ANAPC7: variants seen among roughly 807,000 people sequenced by gnomAD.
ANAPC7 encodes anaphase promoting complex subunit 7.
ANAPC7 carries 25 observed loss-of-function variants against 63.3 expected under a neutral mutation model. The observed-to-expected ratio is 0.39, with a 90% CI of 0.29 to 0.55. ANAPC7 has a LOEUF of 0.55. ANAPC7 is among the 20% of genes least tolerant of loss of function. The probability of loss-of-function intolerance (pLI) is 0.57; values close to 1 mark genes in which losing one functional copy is unlikely to be tolerated. For synonymous variants in ANAPC7, 241 were observed against 251.7 expected (o/e 0.96, Z 0.40); for missense variants, 516 against 691.7 (o/e 0.75, Z 2.85).
At chr12:110,376,625 C>A (rs1592891979) in intron 9 of ANAPC7, among the ~76,000 whole-genome samples, 1 of 138,950 alleles carries the variant, frequency 7.2e-6, no homozygotes, top group Middle Eastern at 3.9e-3. Flanking sequence ...TAAATGGGCT[C>A]TTAACTTTAA....
At chr12:110,391,620 T>A (rs112318897) in intron 3 of ANAPC7, among the ~76,000 whole-genome samples, 10 of 152,264 alleles carry the variant, frequency 6.6e-5, no homozygotes, top group African/African-American at 2.4e-4. Flanking sequence ...AAATGCAGAC[T>A]CATACAGGTG....
At chr12:110,401,041 C>T (rs1464860727) in intron 1 of ANAPC7, among the ~76,000 whole-genome samples, 1 of 152,146 alleles carries the variant, frequency 6.6e-6, no homozygotes, top group Non-Finnish European at 1.5e-5. Context: ...CAAAGCAAGA[C>T]TCCGTCTGAA....
At chr12:110,398,251 A>C (rs1449865300) in intron 1 of ANAPC7, among the ~76,000 whole-genome samples, 1 of 152,088 alleles carries the variant, frequency 6.6e-6, no homozygotes, top group African/African-American at 2.4e-5. Flanking sequence ...TCTCAAAAAA[A>C]AAGAAAACAC....
chr12:110,387,505 C>T (rs1430492955), intron 5 of ANAPC7: 6 of 293,420 alleles, frequency 2.0e-5, no homozygotes. Flanking sequence ...AGGGTTACTA[C>T]CTGTGCAGGC....
rs145953141 is a variant in ANAPC7, at chr12:110,390,581, T to C, written c.409-1958A>G. On this transcript the variant is annotated intron_variant, in intron 3 of 10. Coordinates refer to ENST00000455511, the MANE Select transcript of ANAPC7 (RefSeq NM_016238.3). ...ACCTACATTATATAAAACAATCTAA[T>C]ATAGCATTGATTCACACTAATTCAA... is the stretch of plus-strand genomic sequence containing the variant. 6.9e-3 allele frequency among the ~76,000 whole-genome samples: 1,046 copies of C among 152,264 alleles called. 1 individual carries two copies. Among genetic ancestry groups the C allele is most frequent in the Non-Finnish European group, 9.4e-3 (638 of 68,022 alleles).
chr12:110,375,967 G>A, intron 10 of ANAPC7, 99 bp downstream of exon 10: 2 of 1,413,478 alleles, frequency 1.4e-6, no homozygotes, highest in Non-Finnish European at 1.9e-6. Context: ...TTCAACCATG[G>A]ACACAAAGTG....
chr12:110,381,616 T>G, intron 8 of ANAPC7, 136 bp downstream of exon 8: 41 of 840,690 alleles, frequency 4.9e-5, no homozygotes, highest in Non-Finnish European at 6.9e-5. Flanking sequence ...ATTACAGGTG[T>G]GAGCCACCAC....
intron 1 of ANAPC7, among the ~76,000 whole-genome samples, chr12:110,398,163 T>C (rs888794610): frequency 1.3e-5 from 2 of 151,790 alleles, no homozygotes; most frequent in East Asian, 1.9e-4. Flanking sequence ...GGAGAATGAC[T>C]TGAACCCAGG....
intron 9 of ANAPC7, 151 bp downstream of exon 9, chr12:110,377,242 T>C: frequency 1.5e-6 from 1 of 671,944 alleles, no homozygotes; most frequent in Non-Finnish European, 2.5e-6. Flanking sequence ...TTGGTTGGGC[T>C]AAATATAAAC....
At chr12:110,403,162 G>C (rs1228589560) in intron 1 of ANAPC7, among the ~76,000 whole-genome samples, 1 of 152,174 alleles carries the variant, frequency 6.6e-6, no homozygotes, top group African/African-American at 2.4e-5. Flanking sequence ...CTGAGCTGCA[G>C]CGAGAGAAAA....
intron 10 of ANAPC7, among the ~76,000 whole-genome samples, chr12:110,374,934 T>C (rs1881125071): frequency 6.6e-6 from 1 of 151,988 alleles, no homozygotes; most frequent in South Asian, 2.1e-4. Flanking sequence ...CCCCCAAAGT[T>C]CAGAGCCTCT....
chr12:110,395,308 C>T lies in ANAPC7; in HGVS notation c.289-88G>A, dbSNP rs1223948041. 1.2e-5 allele frequency: 16 copies of T among 1,333,858 alleles called. No homozygotes were observed. In the Admixed American group the frequency reaches 2.2e-4, roughly 19 times the overall value. The allele number at this position is 1,333,858 out of a possible 1,614,324, so 82.6% of individuals were successfully genotyped here. A position where few individuals can be genotyped will look rare whatever the true frequency, so the allele number is the denominator to read the frequency against. ...CGTTAAACATAGAGTTATCATATGA[C>T]CCAGCAATTCTTTTTTTTTTTTTTG... is the stretch of plus-strand genomic sequence containing the variant. On this transcript the variant is annotated intron_variant, in intron 2 of 10. Transcript: ENST00000455511.
At chr12:110,389,217 T>C (rs1882890722) in intron 3 of ANAPC7, among the ~76,000 whole-genome samples, 1 of 152,148 alleles carries the variant, frequency 6.6e-6, no homozygotes, top group Non-Finnish European at 1.5e-5. Flanking sequence ...CGCTGCCCTC[T>C]GGAAACTGGA....
chr12:110,379,220 T>G (rs1250003471), intron 8 of ANAPC7: 4 of 152,214 alleles, frequency 2.6e-5, no homozygotes, highest in Non-Finnish European at 4.4e-5. Context: ...TTGCAATTAC[T>G]TACTGAATAG....
In ANAPC7 at chr12:110,374,081, C is replaced by T; in HGVS notation, c.*63G>A. 2 of 1,490,084 alleles carry T rather than the reference C, an allele frequency of 1.3e-6. No homozygotes were observed. Among genetic ancestry groups the T allele is most frequent in the Non-Finnish European group, 1.8e-6 (2 of 1,118,778 alleles). The allele number at this position is 1,490,084 out of a possible 1,614,324, so 92.3% of individuals were successfully genotyped here. On this transcript the variant is annotated 3_prime_UTR_variant, in exon 11 of 11. Coordinates refer to ENST00000455511, the MANE Select transcript of ANAPC7 (RefSeq NM_016238.3). ...CTTCTGAGAGCAGGCTCCTACGGTT[C>T]CTTCAGTCCACGGAAGTGCTCAGAG...
intron 8 of ANAPC7, among the ~76,000 whole-genome samples, chr12:110,381,422 C>T (rs1035995522): frequency 5.9e-5 from 9 of 152,058 alleles, no homozygotes; most frequent in African/African-American, 1.7e-4. Flanking sequence ...CTGCAACCTC[C>T]GCCTCCCAGG....
chr12:110,376,722 G>T (rs1047491414), intron 9 of ANAPC7, among the ~76,000 whole-genome samples: 2 of 130,624 alleles, frequency 1.5e-5, no homozygotes, highest in African/African-American at 5.8e-5. Context: ...AAAAAAAAAA[G>T]GGCCAAACGG....
At chr12:110,385,245 G>A (rs1400248162) in intron 6 of ANAPC7, among the ~76,000 whole-genome samples, 6 of 152,270 alleles carry the variant, frequency 3.9e-5, no homozygotes, top group South Asian at 2.1e-4. Flanking sequence ...CTGCCTGGGC[G>A]ACAAGAGTGA....
intron 1 of ANAPC7, among the ~76,000 whole-genome samples, chr12:110,397,486 G>C (rs1250516184): frequency 6.6e-6 from 1 of 150,924 alleles, no homozygotes; most frequent in Non-Finnish European, 1.5e-5. Flanking sequence ...CTAGGAGGTG[G>C]AGGTTATAGT....
Sources: gnomAD v4.1 joint callset for allele counts (sites outside exome capture counted in the v4.1 genomes callset) on GRCh38, gnomAD v4.1.1 for gene constraint, MANE v1.5 for transcripts, NCBI Gene and HGNC (gene_info 2026-07-23, HGNC 2026-07-21) for gene names.